The following HEATR4 variants were observed in gnomAD, a reference collection of about 807,000 sequenced individuals.
HEATR4 encodes HEAT repeat containing 4.
HEATR4 carries 95 observed loss-of-function variants against 108.8 expected under a neutral mutation model. The ratio of observed to expected loss-of-function variants is 0.87; its 90% CI spans 0.74 to 1.04. The LOEUF is 1.04. HEATR4 is among the 50% of genes least tolerant of loss of function. The pLI is 0.00. For missense variants in HEATR4, 1,152 were observed against 1,253.8 expected, an observed-to-expected ratio of 0.92 and a Z score of 1.23; for synonymous variants, 443 against 459.4, an observed-to-expected ratio of 0.96 and a Z score of 0.46.
intron 2 of HEATR4, among the ~76,000 whole-genome samples, chr14:73,525,373 A>G (rs1888262107): frequency 6.6e-6 from 1 of 152,160 alleles, no homozygotes; most frequent in Non-Finnish European, 1.5e-5. Flanking sequence ...GCCAGAATCA[A>G]TAACCTCCCT....
chr14:73,484,725 A>G (rs910731943), intron 17 of HEATR4, among the ~76,000 whole-genome samples: 1 of 152,010 alleles, frequency 6.6e-6, no homozygotes, highest in African/African-American at 2.4e-5. Context: ...AAATTCTTCT[A>G]TAACAAATAA....
At chr14:73,580,287 C>G in the HEATR4 span, among the ~76,000 whole-genome samples, 77 of 151,980 alleles carry the variant, frequency 5.1e-4, no homozygotes, top group Non-Finnish European at 8.1e-4. Flanking sequence ...TGCCACCATG[C>G]CCAGCTAATT....
chr14:73,562,693 T>G (rs1595165944), upstream of HEATR4, among the ~76,000 whole-genome samples: 1 of 151,964 alleles, frequency 6.6e-6, no homozygotes, highest in African/African-American at 2.4e-5. Flanking sequence ...TCTGGGAATG[T>G]CTGTCTTGTG....
chr14:73,597,591 CTTTTTTT>C, the HEATR4 span, among the ~76,000 whole-genome samples: 3 of 98,206 alleles, frequency 3.1e-5, no homozygotes, highest in African/African-American at 7.5e-5. Flanking sequence ...TTTTTCTTTT[CTTTTTTT>C]TTTTTTTTTT....
intron 2 of HEATR4, chr14:73,527,138 A>T (rs982676398): frequency 6.6e-6 from 1 of 152,198 alleles, no homozygotes; most frequent in Non-Finnish European, 1.5e-5. Context: ...AAGTCACAGC[A>T]CTTAATCCCC....
Position 73,504,739 on chromosome 14 carries a change from T to C in HEATR4, c.1987-1726A>G, listed in dbSNP as rs181816911. 6.0e-3 allele frequency among the ~76,000 whole-genome samples: 910 copies of C among 152,298 alleles called. 9 individuals are homozygous for C. Among genetic ancestry groups the C allele is most frequent in the Non-Finnish European group, 9.6e-3 (650 of 68,036 alleles). ...TTACAGAGTGGAGGTTGTTCACTTA[T>C]CATGGGAATGGCAATGTTCTGGGCT... On this transcript the variant is annotated intron_variant, in intron 10 of 17. Transcript: ENST00000553558.
the HEATR4 span, among the ~76,000 whole-genome samples, chr14:73,577,894 A>T: frequency 2.0e-5 from 3 of 151,772 alleles, no homozygotes; most frequent in Non-Finnish European, 4.4e-5. Flanking sequence ...TCTGTTGCCC[A>T]GGCTGGAGTA....
chr14:73,478,987 G>A (rs1885130561), intron 17 of HEATR4, 145 bp from the exon 18 acceptor site: 1 of 548,792 alleles, frequency 1.8e-6, no homozygotes, highest in Non-Finnish European at 3.2e-6. Context: ...CGCCCAGGCT[G>A]GAGTTCAGTG....
chr14:73,512,405 C>T (rs76618017), intron 6 of HEATR4, among the ~76,000 whole-genome samples: 1,614 of 152,234 alleles, frequency 0.011, 39 homozygotes, highest in African/African-American at 0.035. Flanking sequence ...AATCACTTTT[C>T]GTTGTAACCA....
the HEATR4 span, among the ~76,000 whole-genome samples, chr14:73,628,300 A>AT: frequency 2.6e-5 from 4 of 152,006 alleles, no homozygotes; most frequent in African/African-American, 7.2e-5. Context: ...TCACATAGTC[A>AT]TTTTTTTTAA....
chr14:73,499,567 G>T (rs944940184), intron 12 of HEATR4, among the ~76,000 whole-genome samples: 1 of 152,102 alleles, frequency 6.6e-6, no homozygotes, highest in African/African-American at 2.4e-5. Flanking sequence ...ATTGAAAAAT[G>T]ACCTATCAAT....
chr14:73,545,110 G>A (rs796754694), intron 1 of HEATR4, among the ~76,000 whole-genome samples: 3 of 102,224 alleles, frequency 2.9e-5, no homozygotes, highest in African/African-American at 9.5e-5. Flanking sequence ...CCAGGCTGGA[G>A]TGCAGTGGCA....
chr14:73,549,931 GA>G (rs1229915056), intron 1 of HEATR4, among the ~76,000 whole-genome samples: 1 of 71,052 alleles, frequency 1.4e-5, no homozygotes, highest in African/African-American at 4.3e-5. Flanking sequence ...GAGTGGCCAA[GA>G]TCCCACTGAA....
In HEATR4 at chr14:73,478,699, G is replaced by A. The variant is rs182530457; in HGVS notation, c.2988C>T (p.Asp996=). ...ATTTACCCAGATAAAGAGCTGGGTA[G>A]TCGGATCTAAATGGTCCCACAGCAA... ...KRIAVGPFRS[D]YPALYLGKFS... Residue 996 remains aspartate (D), a synonymous_variant, in exon 18 of 18, where the codon GAC becomes GAT. Coordinates refer to ENST00000553558, the MANE Select transcript of HEATR4 (RefSeq NM_001220484.1). 6.2e-7 allele frequency: 1 copy of A among 1,613,978 alleles called. No individual in the cohort carries two copies. Among genetic ancestry groups the A allele is most frequent in the African/African-American group, 1.3e-5 (1 of 74,986 alleles).
rs1223238593 is a variant in HEATR4 at position 73,556,438 on chromosome 14, C to CA, written c.-152+2312dup. ...GAAACTTCTTCTCAAAAAAAAAAAA[C>CA]AAAAAAAACTTAAGGAATAGTTATT... On this transcript the variant is annotated intron_variant, in intron 1 of 17. Coordinates refer to ENST00000553558, the MANE Select transcript of HEATR4 (RefSeq NM_001220484.1). 1.1e-4 allele frequency among the ~76,000 whole-genome samples: 12 copies of CA among 107,058 alleles called. 4 individuals carry two copies. The South Asian group carries it at 3.5e-3, about 31-fold the overall frequency. The allele number at this position is 107,058 out of a possible 152,430, so 70.2% of individuals were successfully genotyped here.
chr14:73,507,081 G>C lies in HEATR4; in HGVS notation c.1882-510C>G, dbSNP rs533484144. On this transcript the variant is annotated intron_variant, in intron 9 of 17. Transcript: ENST00000553558. ...GCCTCCCAAAGTGCTGGGATTACAG[G>C]CGTGAGCCACCGTGCCCGGCCTTCT... Among the ~76,000 whole-genome samples, 13 of 152,204 alleles carry C rather than the reference G, an allele frequency of 8.5e-5. No homozygotes were observed. The South Asian group carries it at 2.7e-3, about 32-fold the overall frequency.
chr14:73,506,811 T>TTTTTTTG lies in HEATR4; in HGVS notation c.1882-241_1882-240insCAAAAAA, dbSNP rs1555390543. 1.0e-3 allele frequency among the ~76,000 whole-genome samples: 132 copies of TTTTTTTG among 130,458 alleles called. 7 individuals carry two copies. Among genetic ancestry groups the TTTTTTTG allele is most frequent in the Admixed American group, 2.1e-3 (28 of 13,250 alleles). The allele number at this position is 130,458 out of a possible 152,430, so 85.6% of individuals were successfully genotyped here. The stretch of plus-strand genomic sequence containing the variant: ...CCTTTCCTGACTTTAACTGTTTTTT[T>TTTTTTTG]TTTTTTTTTTTTTTCTGAGAAGGTT... On this transcript the variant is annotated intron_variant, in intron 9 of 17. Transcript: ENST00000553558.
intron 2 of HEATR4, among the ~76,000 whole-genome samples, chr14:73,523,592 C>T (rs1888109426): frequency 6.6e-6 from 1 of 152,184 alleles, no homozygotes; most frequent in African/African-American, 2.4e-5. Flanking sequence ...ATGAGTTTGG[C>T]CTCAGTTTAT....
At chr14:73,578,586 A>T in the HEATR4 span, among the ~76,000 whole-genome samples, 6 of 152,028 alleles carry the variant, frequency 3.9e-5, no homozygotes, top group Non-Finnish European at 8.8e-5. Context: ...CAACCCATGC[A>T]AGCTGTGAAC....
Sources: gnomAD v4.1 joint callset for allele counts (sites outside exome capture counted in the v4.1 genomes callset) on GRCh38, gnomAD v4.1.1 for gene constraint, MANE v1.5 for transcripts, NCBI Gene and HGNC (gene_info 2026-07-23, HGNC 2026-07-21) for gene names.